Variants in CEP128 observed in about 807,000 individuals in gnomAD.
CEP128 encodes centrosomal protein 128kDa.
Under a neutral mutation model 156.7 loss-of-function variants are expected in CEP128, and 132 were observed. That is an observed-to-expected ratio of 0.84 (90% CI 0.73 to 0.97). The LOEUF is 0.97. Ranked by LOEUF, CEP128 falls within the 50% of genes least tolerant of loss-of-function variation. CEP128 has a pLI of 0.00. For missense variants in CEP128, 1,252 were observed against 1,281.9 expected, an observed-to-expected ratio of 0.98 and a Z score of 0.36; for synonymous variants, 469 against 448.9, an observed-to-expected ratio of 1.04 and a Z score of -0.57.
intron 9 of CEP128, among the ~76,000 whole-genome samples, chr14:80,856,678 CGTGTGT>C (rs140017425): frequency 7.5e-6 from 1 of 133,262 alleles, no homozygotes; most frequent in Admixed American, 7.8e-5. Context: ...TGTGTGTGTG[CGTGTGT>C]GTGTGTGTCC....
chr14:80,496,463 C>CAGTT (rs1357367081), downstream of CEP128: 1 of 152,582 alleles, frequency 6.6e-6, no homozygotes, highest in Non-Finnish European at 1.5e-5. Flanking sequence ...TGTACTTTAA[C>CAGTT]AAACACAAAA....
At chr14:80,889,551 G>C (rs1297458288) in intron 8 of CEP128, among the ~76,000 whole-genome samples, 2 of 152,114 alleles carry the variant, frequency 1.3e-5, no homozygotes, top group Admixed American at 1.3e-4. Context: ...TTAATAAATG[G>C]TGCTGGGAAA....
At chr14:80,548,070 G>A (rs769655421) in intron 21 of CEP128, among the ~76,000 whole-genome samples, 44 of 152,140 alleles carry the variant, frequency 2.9e-4, no homozygotes, top group South Asian at 4.2e-4. Flanking sequence ...AAAGTGCTGG[G>A]ATTACAGGTG....
intron 19 of CEP128, among the ~76,000 whole-genome samples, chr14:80,712,086 A>T (rs1025667464): frequency 9.8e-5 from 15 of 152,286 alleles, no homozygotes; most frequent in African/African-American, 3.6e-4. Flanking sequence ...TTAGAAATAA[A>T]TTTTTAATTT....
At chr14:80,809,977 C>T (rs1411726500) in intron 13 of CEP128, among the ~76,000 whole-genome samples, 2 of 151,754 alleles carry the variant, frequency 1.3e-5, no homozygotes, top group Non-Finnish European at 2.9e-5. Flanking sequence ...AGAAAATCAG[C>T]AAACCACAAG....
intron 19 of CEP128, among the ~76,000 whole-genome samples, chr14:80,603,175 T>C (rs1892646264): frequency 6.6e-6 from 1 of 152,206 alleles, no homozygotes. Flanking sequence ...GCCAGCAGCA[T>C]TATTCATGAT....
chr14:80,830,876 T>C, intron 13 of CEP128: 1 of 346,258 alleles, frequency 2.9e-6, no homozygotes, highest in East Asian at 6.0e-5. Context: ...ACAAAAATAT[T>C]TTCAAATTTA....
At chr14:80,496,150 G>T (rs923644361), downstream of CEP128, among the ~76,000 whole-genome samples, 1 of 152,062 alleles carries the variant, frequency 6.6e-6, no homozygotes, top group Non-Finnish European at 1.5e-5. Context: ...CAAACTTTGC[G>T]ACATGCATAC....
At chr14:80,709,924 T>C (rs536054374) in intron 19 of CEP128, among the ~76,000 whole-genome samples, 1 of 151,938 alleles carries the variant, frequency 6.6e-6, no homozygotes, top group Admixed American at 6.6e-5. Flanking sequence ...AATTATTGTA[T>C]CACTATAACA....
chr14:80,934,460 C>A (rs1193365477), intron 2 of CEP128, among the ~76,000 whole-genome samples: 1 of 152,136 alleles, frequency 6.6e-6, no homozygotes, highest in Non-Finnish European at 1.5e-5. Flanking sequence ...CGAGAACCAC[C>A]ATTTACTGAG....
At position 80,532,425 on chromosome 14, in the gene CEP128, TC is replaced by T. The variant is rs1325239279; in HGVS notation, c.2881-1540del. Among the ~76,000 whole-genome samples, 65 of 152,216 alleles carry T rather than the reference TC, an allele frequency of 4.3e-4. No individual in the cohort carries two copies. In the Middle Eastern group the frequency reaches 0.017, roughly 40 times the overall value. ...ACTTTCCTATTTGAAATCTCCCATCTCCCTGAACAGAGAGATGCTGTTCTCT... is the reference window on the plus strand; with the variant it reads ...ACTTTCCTATTTGAAATCTCCCATCTCCTGAACAGAGAGATGCTGTTCTCT... On this transcript the variant is annotated intron_variant, in intron 21 of 24. Transcript: ENST00000555265.
intron 20 of CEP128, among the ~76,000 whole-genome samples, chr14:80,565,297 C>T (rs1890865202): frequency 6.6e-6 from 1 of 152,128 alleles, no homozygotes; most frequent in Non-Finnish European, 1.5e-5. Context: ...GTTAAGATAA[C>T]CTAACTTTAA....
At chr14:80,837,126 A>C (rs1886116998) in intron 11 of CEP128, among the ~76,000 whole-genome samples, 1 of 152,260 alleles carries the variant, frequency 6.6e-6, no homozygotes, top group Admixed American at 6.5e-5. Context: ...TTTGTAAAAC[A>C]GGTGCTATCT....
At chr14:80,889,109 A>C (rs1888951274) in intron 8 of CEP128, among the ~76,000 whole-genome samples, 1 of 152,158 alleles carries the variant, frequency 6.6e-6, no homozygotes, top group East Asian at 1.9e-4. Context: ...AACTACACCC[A>C]CTGCTCAAGG....
At chr14:80,534,852 CAA>C (rs1486386496) in intron 21 of CEP128, among the ~76,000 whole-genome samples, 3 of 140,106 alleles carry the variant, frequency 2.1e-5, no homozygotes, top group Non-Finnish European at 4.6e-5. Flanking sequence ...AAAAAGGGAG[CAA>C]AGTTTATTTC....
chr14:80,776,161 C>G (rs1001743912), intron 16 of CEP128, among the ~76,000 whole-genome samples: 1 of 152,124 alleles, frequency 6.6e-6, no homozygotes, highest in Non-Finnish European at 1.5e-5. Flanking sequence ...AAATTTTTCA[C>G]CACTATTTCT....
intron 13 of CEP128, among the ~76,000 whole-genome samples, chr14:80,793,369 C>T (rs1901820242): frequency 6.6e-6 from 1 of 152,150 alleles, no homozygotes; most frequent in African/African-American, 2.4e-5. Context: ...TTCCAATTGA[C>T]TGTCACTAAA....
At chr14:80,926,852 C>T (rs1245488824) in intron 2 of CEP128, among the ~76,000 whole-genome samples, 2 of 152,192 alleles carry the variant, frequency 1.3e-5, no homozygotes, top group Non-Finnish European at 2.9e-5. Flanking sequence ...AACCAGGAGG[C>T]CTTGAGTCTG....
chr14:80,581,721 G>C (rs1891601012), intron 19 of CEP128, among the ~76,000 whole-genome samples: 1 of 152,166 alleles, frequency 6.6e-6, no homozygotes, highest in African/African-American at 2.4e-5. Flanking sequence ...GTGTTTTGGG[G>C]TGTATTTTTA....
Sources: allele counts gnomAD v4.1 joint callset (sites outside exome capture counted in the v4.1 genomes callset), GRCh38; gene constraint gnomAD v4.1.1; transcripts MANE v1.5; gene names NCBI Gene and HGNC (gene_info 2026-07-23, HGNC 2026-07-21).